Variants in KDM4C observed in about 807,000 individuals in gnomAD.
The protein encoded by KDM4C is lysine-specific demethylase 4C.
In KDM4C, 81 loss-of-function variants were observed where a neutral mutation model predicts 129.3. That is an observed-to-expected ratio of 0.63 (90% confidence interval 0.52 to 0.75). The LOEUF (loss-of-function observed/expected upper bound fraction) is 0.75, where lower values mean the gene tolerates loss of function less well. Among genes scored for constraint, KDM4C ranks in the 30% least tolerant of loss-of-function variants. The pLI is 0.00. For missense variants in KDM4C, 1,457 were observed against 1,304.0 expected, an observed-to-expected ratio of 1.12 and a Z score of -1.81; for synonymous variants, 573 against 456.1, an observed-to-expected ratio of 1.26 and a Z score of -3.26.
At position 6,974,102 on chromosome 9, in the gene KDM4C, C is replaced by T. The variant is rs1027629851; in HGVS notation, c.922-6823C>T. On this transcript the variant is annotated intron_variant, in intron 8 of 21. Transcript: ENST00000381309. ...TTTCCCCCAGTTACTATCCTTGTGA[C>T]ATCCAACAAGTCAGTTAGCATTTTT... Among the ~76,000 whole-genome samples, 34 of 152,288 alleles carry T rather than the reference C, an allele frequency of 2.2e-4. No homozygotes were observed. The South Asian group carries it at 4.4e-3, about 20-fold the overall frequency.
intron 8 of KDM4C, chr9:6,925,621 T>G: frequency 2.0e-6 from 2 of 985,440 alleles, no homozygotes; most frequent in Non-Finnish European, 2.4e-6. Flanking sequence ...CCGTCTTGGC[T>G]TGTTTACCAT....
chr9:6,823,659 A>G (rs879263014), intron 4 of KDM4C, among the ~76,000 whole-genome samples: 2 of 152,174 alleles, frequency 1.3e-5, no homozygotes, highest in African/African-American at 4.8e-5. Context: ...CCTCTCCTGT[A>G]CCAGCCAGAT....
chr9:7,169,275 C>T (rs921876779), intron 20 of KDM4C, among the ~76,000 whole-genome samples: 12 of 152,084 alleles, frequency 7.9e-5, no homozygotes, highest in Admixed American at 5.2e-4. Context: ...ATCCTGTATT[C>T]CAAGACACTC....
At chr9:6,735,126 C>G (rs149828672) in intron 1 of KDM4C, 374 of 319,684 alleles carry the variant, frequency 1.2e-3, no homozygotes, top group African/African-American at 7.4e-3. Flanking sequence ...GACAATTAGG[C>G]AAAGAGGCTA....
chr9:6,893,877 G>A (rs1846454603), intron 8 of KDM4C, among the ~76,000 whole-genome samples: 1 of 152,212 alleles, frequency 6.6e-6, no homozygotes, highest in Admixed American at 6.5e-5. Flanking sequence ...CCCCTGTGGT[G>A]TTAAATAGAA....
intron 6 of KDM4C, among the ~76,000 whole-genome samples, chr9:6,886,016 C>T (rs1048968243): frequency 6.6e-6 from 1 of 152,182 alleles, no homozygotes; most frequent in Admixed American, 6.5e-5. Context: ...CTTAATTCAT[C>T]AGTGTTGCAG....
At chr9:6,915,259 A>G (rs1031755324) in intron 8 of KDM4C, among the ~76,000 whole-genome samples, 6 of 152,208 alleles carry the variant, frequency 3.9e-5, no homozygotes, top group Non-Finnish European at 8.8e-5. Flanking sequence ...GGTTTTACAA[A>G]ACAGGTGTTC....
chr9:7,066,121 T>C (rs1832392573), intron 17 of KDM4C, among the ~76,000 whole-genome samples: 1 of 152,226 alleles, frequency 6.6e-6, no homozygotes, highest in Admixed American at 6.5e-5. Context: ...ATCATTTTAA[T>C]GGTTTTGAGA....
chr9:6,755,026 T>C (rs973616073), upstream of KDM4C, among the ~76,000 whole-genome samples: 1 of 151,468 alleles, frequency 6.6e-6, no homozygotes, highest in African/African-American at 2.4e-5. Flanking sequence ...TCACTTGAGC[T>C]CAGGAGTTTG....
At chr9:6,949,363 G>C (rs1003469948) in intron 8 of KDM4C, among the ~76,000 whole-genome samples, 2 of 151,758 alleles carry the variant, frequency 1.3e-5, no homozygotes, top group East Asian at 2.0e-4. Flanking sequence ...TCACTTCCCA[G>C]ACTGGGCAGA....
At chr9:6,930,766 A>G (rs1007301037) in intron 8 of KDM4C, among the ~76,000 whole-genome samples, 1 of 149,740 alleles carries the variant, frequency 6.7e-6, no homozygotes, top group Non-Finnish European at 1.5e-5. Context: ...TATGATATTC[A>G]TGTATCATTC....
At chr9:6,739,317 TC>T (rs1817617888) in intron 1 of KDM4C, among the ~76,000 whole-genome samples, 1 of 150,472 alleles carries the variant, frequency 6.6e-6, no homozygotes, top group African/African-American at 2.4e-5. Flanking sequence ...AGGTGACCTG[TC>T]CCCCTGCACC....
intron 17 of KDM4C, among the ~76,000 whole-genome samples, chr9:7,080,291 A>G (rs567592558): frequency 1.2e-4 from 18 of 152,310 alleles, no homozygotes; most frequent in African/African-American, 4.1e-4. Context: ...TTGACCTGCA[A>G]AGAGACCCTA....
At chr9:6,744,928 C>G (rs1316293833) in intron 1 of KDM4C, among the ~76,000 whole-genome samples, 1 of 152,116 alleles carries the variant, frequency 6.6e-6, no homozygotes, top group Non-Finnish European at 1.5e-5. Flanking sequence ...AGAAACATGC[C>G]TCCAGCAGAT....
At chr9:6,956,041 C>A (rs1829005793) in intron 8 of KDM4C, among the ~76,000 whole-genome samples, 1 of 151,832 alleles carries the variant, frequency 6.6e-6, no homozygotes, top group South Asian at 2.1e-4. Flanking sequence ...TTTATGAGAT[C>A]TAAAAATCAA....
chr9:7,122,361 C>T (rs1252717679), intron 18 of KDM4C, among the ~76,000 whole-genome samples: 1 of 151,984 alleles, frequency 6.6e-6, no homozygotes, highest in Non-Finnish European at 1.5e-5. Context: ...AGAAACCACC[C>T]CCGTGATCCA....
At chr9:7,077,128 A>G (rs1308220736) in intron 17 of KDM4C, 2 of 985,330 alleles carry the variant, frequency 2.0e-6, no homozygotes, top group Admixed American at 6.2e-5. Context: ...ACAGATGTGG[A>G]CACTGGGCTG....
Position 6,903,416 on chromosome 9 carries a change from T to C in KDM4C, c.921+10184T>C, listed in dbSNP as rs1817736083. On this transcript the variant is annotated intron_variant, in intron 8 of 21. Transcript: ENST00000381309. The stretch of plus-strand genomic sequence containing the variant: ...AAAATGCCCAGTCCCCAGGAGAATG[T>C]AGTTGGTAGAGTGGGCACTGTGTTC... Among the ~76,000 whole-genome samples, 3 of 152,170 alleles carry C rather than the reference T, an allele frequency of 2.0e-5. No individual in the cohort carries two copies. In the South Asian group the frequency reaches 6.2e-4, roughly 32 times the overall value.
At chr9:6,807,798 G>C (rs1418732031) in intron 3 of KDM4C, among the ~76,000 whole-genome samples, 12,055 of 145,338 alleles carry the variant, frequency 0.083, 679 homozygotes, top group Non-Finnish European at 0.1. Flanking sequence ...GGTGGGGGGG[G>C]GGTCAGCCCC....
Sources: allele counts gnomAD v4.1 joint callset (sites outside exome capture counted in the v4.1 genomes callset), GRCh38; gene constraint gnomAD v4.1.1; transcripts MANE v1.5; gene names NCBI Gene and HGNC (gene_info 2026-07-23, HGNC 2026-07-21).